Variants in ATG9B observed in about 807,000 individuals in gnomAD.
ATG9B encodes the protein autophagy-related protein 9B.
ATG9B carries 92 observed loss-of-function variants against 92.9 expected under a neutral mutation model. That is an observed-to-expected ratio of 0.99 (90% CI 0.84 to 1.18). The LOEUF (loss-of-function observed/expected upper bound fraction) is 1.18. Ranked by LOEUF, ATG9B falls within the 50% of genes most tolerant of loss-of-function variation. ATG9B has a pLI of 0.00. For missense variants in ATG9B, 1,344 were observed against 1,235.0 expected (o/e 1.09, Z -1.32); for synonymous variants, 599 against 551.4 (o/e 1.09, Z -1.21).
chr7:151,021,426 G>T (rs1443895179), intron 4 of ATG9B, 97 bp from the exon 5 acceptor site: 1 of 1,452,622 alleles, frequency 6.9e-7, no homozygotes, highest in Non-Finnish European at 9.1e-7. Flanking sequence ...CATGAGGAGG[G>T]GGATCTAGCT....
In ATG9B at chr7:151,023,428, C is replaced by T. The variant is rs568650018; in HGVS notation, c.659+17G>A. 9.3e-6 allele frequency: 15 copies of T among 1,612,424 alleles called. No homozygotes were observed. The highest frequency in any genetic ancestry group is 2.2e-5 in the East Asian group (1 of 44,752). ...GGCCCAGGGGACCGAGTTCCGGGCC[C>T]GGGCTAAGCGTCTCACCCCAGCTGG... On this transcript the variant is annotated intron_variant, in intron 3 of 13. Coordinates refer to ENST00000639579, the MANE Select transcript of ATG9B (RefSeq NM_001317056.2).
chr7:151,012,473 G>A, downstream of ATG9B: 1 of 1,612,140 alleles, frequency 6.2e-7, no homozygotes, highest in Non-Finnish European at 8.5e-7. Flanking sequence ...GAGAGCAAAG[G>A]TGAGGCTGGG....
At chr7:151,021,696 C>G (rs1317106776) in intron 4 of ATG9B, among the ~76,000 whole-genome samples, 3 of 150,098 alleles carry the variant, frequency 2.0e-5, no homozygotes, top group Non-Finnish European at 4.4e-5. Context: ...GTCGCCCAGG[C>G]TGGAGTGCAG....
chr7:151,016,729 G>A lies in ATG9B; in HGVS notation c.2382C>T (p.Ala794=). The change falls in exon 10 of 14, where the codon GCC becomes GCT. Residue 794 remains alanine, a synonymous_variant. Transcript: ENST00000639579. ...TTCGGGAAATGGAGGCAAGGAGGCT[G>A]GCTGTGGCCGCAGCTGGACAGGGGG... The part of the protein sequence containing the change: ...PTAPCPAAAT[A]SLLASISRIA... 1 of 1,611,384 alleles carries A rather than the reference G, an allele frequency of 6.2e-7. No homozygotes were observed. The highest frequency in any genetic ancestry group is 8.5e-7 in the Non-Finnish European group (1 of 1,178,896).
At position 151,015,581 on chromosome 7, in the gene ATG9B, G is replaced by A. The variant is rs1371878099; in HGVS notation, c.*147C>T. 3.7e-5 allele frequency: 10 copies of A among 271,940 alleles called. No homozygotes were observed. The highest frequency in any genetic ancestry group is 4.4e-5 in the African/African-American group (2 of 45,306). 16.8% of individuals were successfully genotyped at this position (271,940 alleles called of 1,614,324 possible). A position where few individuals can be genotyped will look rare whatever the true frequency, so the allele number is the denominator to read the frequency against. On this transcript the variant is annotated 3_prime_UTR_variant, in exon 14 of 14. Coordinates refer to ENST00000639579, the MANE Select transcript of ATG9B (RefSeq NM_001317056.2). ...CCTACCTTTTCTCTGTTCTCGGGGC[G>A]AGTTCCTCACTGACTCCCAGGTCCT...
chr7:151,016,804 G>C lies in ATG9B; in HGVS notation c.2307C>G (p.Ala769=), dbSNP rs1327454052. ...CTSPLPEAFL[A]NLFVHPLLPP... is the part of the protein sequence containing the mutation. ...GCAGGAGAGGGTGCACGAAGAGGTT[G>C]GCCAGGAAGGCCTCAGGCTGGGTGC... is the stretch of plus-strand genomic sequence containing the variant. The change falls in exon 10 of 14, where the codon GCC becomes GCG. Residue 769 remains alanine, a synonymous_variant. Coordinates refer to ENST00000639579, the MANE Select transcript of ATG9B (RefSeq NM_001317056.2). 6.2e-7 allele frequency: 1 copy of C among 1,609,270 alleles called. No homozygotes were observed. The highest frequency in any genetic ancestry group is 8.5e-7 in the Non-Finnish European group (1 of 1,178,086).
chr7:151,013,143 G>A (rs1795343133), downstream of ATG9B: 3 of 1,451,082 alleles, frequency 2.1e-6, no homozygotes, highest in African/African-American at 2.8e-5. Context: ...ACGCTGGGCT[G>A]CCAGGCTGGG....
chr7:151,018,410 G>T lies in ATG9B; in HGVS notation c.1756C>A (p.Pro586Thr), dbSNP rs758908475. ...IPEEQCQGRA[P>T]QLLLQTALAH... ...AGGGCTGTCTGCAGCAGGAGCTGCG[G>T]CGCACGACCCTGGCACTGCTCTTCC... Residue 586 changes from proline to threonine, a missense_variant, in exon 7 of 14, where the codon CCG (proline) becomes ACG (threonine). Coordinates refer to ENST00000639579, the MANE Select transcript of ATG9B (RefSeq NM_001317056.2). This position sits in a 1 kb window ranked among gnomAD's most constrained non-coding sequence, Gnocchi z 4.7. 5.1e-6 allele frequency: 8 copies of T among 1,556,398 alleles called. No individual in the cohort carries two copies. The South Asian group carries it at 8.4e-5, about 16-fold the overall frequency.
At chr7:151,017,329 T>G in intron 8 of ATG9B, 57 bp from the exon 9 acceptor site, 1 of 1,490,284 alleles carries the variant, frequency 6.7e-7, no homozygotes, top group Non-Finnish European at 9.1e-7. Context: ...TGGGAACAGG[T>G]GGGACAGGAA....
rs765936651 is a variant in ATG9B, at chr7:151,016,778, G to A, written c.2333C>T (p.Pro778Leu). 4.3e-6 allele frequency: 7 copies of A among 1,612,710 alleles called. No homozygotes were observed. In the South Asian group the frequency reaches 4.4e-5, roughly 10 times the overall value. The change falls in exon 10 of 14, where the codon CCT becomes CTT. Residue 778 changes from proline to leucine, a missense_variant. Coordinates refer to ENST00000639579, the MANE Select transcript of ATG9B (RefSeq NM_001317056.2). ...GGCTGTCGGGCTCAGATCTCTCGGA[G>A]GCAGGAGAGGGTGCACGAAGAGGTT... The part of the protein sequence containing the change: ...LANLFVHPLL[P>L]PRDLSPTAPC...
At chr7:151,021,379 A>G (rs1795742860) in intron 4 of ATG9B, 50 bp from the exon 5 acceptor site, 1 of 1,528,778 alleles carries the variant, frequency 6.5e-7, no homozygotes, top group Non-Finnish European at 8.8e-7. Flanking sequence ...CGCCTGAGAA[A>G]GAGGCAGACC....
Position 151,017,082 on chromosome 7 carries a change from C to A in ATG9B, c.2243G>T (p.Arg748Leu). Residue 748 changes from arginine (R) to leucine (L), a missense_variant, in exon 9 of 14, where the codon CGC becomes CTC. Arg to Leu is a moderately radical substitution (Grantham distance 102). Transcript: ENST00000639579. ...DAAAWGATSA[R>L]GPSTPGVLSN... ...GAGCACCCCCGGGGTGGAGGGGCCG[C>A]GAGCCGAGGTGGCACCCCAGGCAGC... 1.2e-6 allele frequency: 2 copies of A among 1,608,156 alleles called. No individual in the cohort carries two copies. Among genetic ancestry groups the A allele is most frequent in the Non-Finnish European group, 1.7e-6 (2 of 1,177,970 alleles).
At position 151,018,428 on chromosome 7, in the gene ATG9B, G is replaced by C; in HGVS notation, c.1738C>G (p.Gln580Glu). Residue 580 changes from glutamine (Q) to glutamate (E), a missense_variant, in exon 7 of 14, where the codon CAG becomes GAG. Gln to Glu is a conservative substitution (Grantham distance 29). Transcript: ENST00000639579. The surrounding 1 kb of genome is among the most constrained non-coding windows in gnomAD (Gnocchi z 4.7). ...TVARSFIPEE[Q>E]CQGRAPQLLL... ...AGCTGCGGCGCACGACCCTGGCACT[G>C]CTCTTCCGGAATGAAAGACCTGAAA... 2 of 1,531,862 alleles carry C rather than the reference G, an allele frequency of 1.3e-6. No homozygotes were observed. The highest frequency in any genetic ancestry group is 1.8e-6 in the Non-Finnish European group (2 of 1,140,294). The allele number at this position is 1,531,862 out of a possible 1,614,324, so 94.9% of individuals were successfully genotyped here. A position where few individuals can be genotyped will look rare whatever the true frequency, so the allele number is the denominator to read the frequency against.
rs1279069918 is a variant in ATG9B at position 151,019,318 on chromosome 7, C to T, written c.1020G>A (p.Gln340=). 4 of 1,576,452 alleles carry T rather than the reference C, an allele frequency of 2.5e-6. No individual in the cohort carries two copies. In the South Asian group the frequency reaches 3.5e-5, roughly 14 times the overall value. The change falls in exon 6 of 14, where the codon CAG becomes CAA. Residue 340 remains glutamine, a synonymous_variant. Transcript: ENST00000639579. Reference sequence around the variant, plus strand: ...GCTGCACGCACAGGCCCCCGCTCCGCTGCAGTGCCAAGAGGCGGGACTGCA... The same window carrying T: ...GCTGCACGCACAGGCCCCCGCTCCGTTGCAGTGCCAAGAGGCGGGACTGCA... ...AEVQSRLLAL[Q]RSGGLCVQPR...
downstream of ATG9B, chr7:151,013,134 C>G (rs745534596): frequency 1.5e-5 from 20 of 1,367,412 alleles, no homozygotes; most frequent in Non-Finnish European, 2.0e-5. Flanking sequence ...CAGCCCAAAA[C>G]GCTGGGCTGC....
At position 151,017,877 on chromosome 7, in the gene ATG9B, G is replaced by T; in HGVS notation, c.2046C>A (p.His682Gln). ...GCCAGGGAACGGCTCTGACCTGAGG[G>T]TGTCCGTGGCGCTTCACATCCATAA... ...FALMDVKRHG[H>Q]PQWLSAGQTE... Residue 682 changes from histidine (H) to glutamine (Q), a missense_variant, in exon 8 of 14, where the codon CAC becomes CAA. His to Gln is a conservative substitution (Grantham distance 24). Transcript: ENST00000639579. The T allele has an allele frequency of 1.2e-6, 2 of 1,606,904 alleles. No homozygotes were observed. Among genetic ancestry groups the T allele is most frequent in the Non-Finnish European group, 1.7e-6 (2 of 1,176,486 alleles).
chr7:151,015,542 A>C lies in ATG9B; in HGVS notation c.*186T>G. 1 of 202,002 alleles carries C rather than the reference A, an allele frequency of 5.0e-6. No homozygotes were observed. Among genetic ancestry groups the C allele is most frequent in the Non-Finnish European group, 9.9e-6 (1 of 101,286 alleles). 12.5% of individuals were successfully genotyped at this position (202,002 alleles called of 1,614,324 possible). Reference sequence around the variant, plus strand: ...AGACTTGTTTCCAGATGCCATCAGCATCTCCTCTCCTTGCCTACCTTTTCT... The same window carrying C: ...AGACTTGTTTCCAGATGCCATCAGCCTCTCCTCTCCTTGCCTACCTTTTCT... On this transcript the variant is annotated 3_prime_UTR_variant, in exon 14 of 14. Coordinates refer to ENST00000639579, the MANE Select transcript of ATG9B (RefSeq NM_001317056.2).
chr7:151,018,044 G>C lies in ATG9B; in HGVS notation c.1879C>G (p.Leu627Val). The C allele has an allele frequency of 1.3e-6, 2 of 1,580,006 alleles. No individual in the cohort carries two copies. The highest frequency in any genetic ancestry group is 1.7e-6 in the Non-Finnish European group (2 of 1,162,144). The change falls in exon 8 of 14, where the codon CTC becomes GTC. Residue 627 changes from leucine (L) to valine (V), a missense_variant. Transcript: ENST00000639579. This position sits in a 1 kb window ranked among gnomAD's most constrained non-coding sequence, Gnocchi z 4.7. The stretch of plus-strand genomic sequence containing the variant: ...AGCGGGGACAGGAGCTCCTCCAGGA[G>C]GGAGACCTGGGGAAGCAGCGGTGAG... ...AQLLQYRAVS[L>V]LEELLSPLLT...
At chr7:151,012,412 A>G, downstream of ATG9B, 4 of 1,607,388 alleles carry the variant, frequency 2.5e-6, no homozygotes, top group Non-Finnish European at 3.4e-6. Context: ...GGGTCCAGGC[A>G]CTGGCATTGC....
Sources: gnomAD v4.1 joint callset for allele counts (sites outside exome capture counted in the v4.1 genomes callset) on GRCh38, gnomAD v4.1.1 for gene constraint, Gnocchi (gnomAD v3.1) non-coding constraint, MANE v1.5 for transcripts, NCBI Gene and HGNC (gene_info 2026-07-23, HGNC 2026-07-21) for gene names.